SLC24A3: variants seen among roughly 807,000 people sequenced by gnomAD.
The protein encoded by SLC24A3 is solute carrier family 24 member 3, also known as sodium/potassium/calcium exchanger 3.
In SLC24A3, 28 loss-of-function variants were observed where a neutral mutation model predicts 75.8. The observed-to-expected ratio is 0.37, with a 90% CI of 0.27 to 0.51. SLC24A3 has a LOEUF of 0.51. Among genes scored for constraint, SLC24A3 ranks in the 20% least tolerant of loss-of-function variants. SLC24A3 has a pLI of 0.94. For missense variants in SLC24A3, 663 were observed against 847.8 expected (o/e 0.78, Z 2.71); for synonymous variants, 372 against 334.1 (o/e 1.11, Z -1.24).
chr20:19,288,349 G>A (rs1001639902), intron 2 of SLC24A3, among the ~76,000 whole-genome samples: 1 of 152,162 alleles, frequency 6.6e-6, no homozygotes, highest in Admixed American at 6.5e-5. Context: ...AGCAGAAAGG[G>A]CCAGACACTA....
intron 2 of SLC24A3, among the ~76,000 whole-genome samples, chr20:19,471,720 T>C (rs905957959): frequency 2.6e-5 from 4 of 151,954 alleles, no homozygotes; most frequent in African/African-American, 7.3e-5. Flanking sequence ...AAGTGTGTAG[T>C]AGATAGAGGT....
rs533719014 is a variant in SLC24A3 at position 19,528,797 on chromosome 20, G to C, written c.348+13233G>C. On this transcript the variant is annotated intron_variant, in intron 3 of 16. Transcript: ENST00000328041. ...TGTGGACCACAGGAATTAGGCAGAG[G>C]GGGTATTTTTGGCAGTTAGCTTAAT... Among the ~76,000 whole-genome samples the C allele has an allele frequency of 2.4e-4, 36 of 152,288 alleles. No individual in the cohort carries two copies. The South Asian group carries it at 5.6e-3, about 24-fold the overall frequency.
Position 19,272,120 on chromosome 20 carries a change from C to T in SLC24A3, c.143-8839C>T, listed in dbSNP as rs538922802. Among the ~76,000 whole-genome samples the T allele has an allele frequency of 4.6e-5, 7 of 152,370 alleles. No individual in the cohort carries two copies. The South Asian group carries it at 1.4e-3, about 32-fold the overall frequency. On this transcript the variant is annotated intron_variant, in intron 1 of 16. Transcript: ENST00000328041. The stretch of plus-strand genomic sequence containing the variant: ...CATCAGAACTTCTGCTTTCTCTGTG[C>T]TGCCCGCCCAGCCACTGGGGGTGGA...
At chr20:19,509,349 G>A (rs1299261843) in intron 2 of SLC24A3, among the ~76,000 whole-genome samples, 3 of 152,174 alleles carry the variant, frequency 2.0e-5, no homozygotes, top group Non-Finnish European at 4.4e-5. Flanking sequence ...TGGATTTGGC[G>A]CTAGGATGCA....
At chr20:19,419,077 T>G (rs2122432774) in intron 2 of SLC24A3, among the ~76,000 whole-genome samples, 1 of 152,380 alleles carries the variant, frequency 6.6e-6, no homozygotes, top group East Asian at 1.9e-4. Flanking sequence ...TTGTCTTTCA[T>G]GTAAAACTGT....
chr20:19,707,108 C>T (rs2032939610), intron 15 of SLC24A3, among the ~76,000 whole-genome samples: 1 of 152,108 alleles, frequency 6.6e-6, no homozygotes, highest in African/African-American at 2.4e-5. Flanking sequence ...AAAGCAAGAG[C>T]ACAAGAAGAC....
At chr20:19,495,439 C>T (rs1009982391) in intron 2 of SLC24A3, among the ~76,000 whole-genome samples, 1 of 152,200 alleles carries the variant, frequency 6.6e-6, no homozygotes, top group Non-Finnish European at 1.5e-5. Context: ...GGGGTGGATA[C>T]ATAAGTGAAT....
chr20:19,346,190 A>ATATATATGG (rs1985409856), intron 2 of SLC24A3, among the ~76,000 whole-genome samples: 1 of 116,388 alleles, frequency 8.6e-6, no homozygotes, highest in African/African-American at 3.4e-5. Flanking sequence ...TATGGTGTAT[A>ATATATATGG]TATATATATG....
intron 9 of SLC24A3, among the ~76,000 whole-genome samples, chr20:19,675,844 C>A (rs1244228453): frequency 6.6e-6 from 1 of 152,104 alleles, no homozygotes; most frequent in African/African-American, 2.4e-5. Flanking sequence ...TCTCAAAGAG[C>A]AAAACTATAT....
Position 19,413,458 on chromosome 20 carries a change from G to T in SLC24A3, c.272-102030G>T, listed in dbSNP as rs75666083. Among the ~76,000 whole-genome samples, 1,346 of 152,282 alleles carry T rather than the reference G, an allele frequency of 8.8e-3. 7 individuals are homozygous for T. The highest frequency in any genetic ancestry group is 0.024 in the Middle Eastern group (7 of 294). ...ATTTTCTAACTTCTCTTCAAGCAAG[G>T]ATTACTGTTTCAGGTGGGCCCTTTG... On this transcript the variant is annotated intron_variant, in intron 2 of 16. Transcript: ENST00000328041.
intron 13 of SLC24A3, among the ~76,000 whole-genome samples, chr20:19,696,015 C>T (rs148944273): frequency 3.0e-3 from 319 of 108,006 alleles, no homozygotes; most frequent in Middle Eastern, 7.6e-3. Flanking sequence ...TTTTCCTTTT[C>T]TTTTTTTTTT....
At chr20:19,456,048 G>C (rs1292122519) in intron 2 of SLC24A3, among the ~76,000 whole-genome samples, 1 of 152,194 alleles carries the variant, frequency 6.6e-6, no homozygotes, top group Non-Finnish European at 1.5e-5. Flanking sequence ...CCTCTGTGCT[G>C]CCAGGCAGTG....
chr20:19,379,317 C>T (rs968221330), intron 2 of SLC24A3, among the ~76,000 whole-genome samples: 2 of 152,138 alleles, frequency 1.3e-5, no homozygotes, highest in Non-Finnish European at 2.9e-5. Flanking sequence ...GATCTTCACT[C>T]TGGAGTGGGG....
At chr20:19,569,393 T>C (rs2031013403) in intron 3 of SLC24A3, among the ~76,000 whole-genome samples, 1 of 152,176 alleles carries the variant, frequency 6.6e-6, no homozygotes, top group Admixed American at 6.5e-5. Flanking sequence ...CTTAAGGACT[T>C]GTTCATGTCC....
At chr20:19,395,770 A>G (rs1026063873) in intron 2 of SLC24A3, among the ~76,000 whole-genome samples, 1 of 152,202 alleles carries the variant, frequency 6.6e-6, no homozygotes, top group African/African-American at 2.4e-5. Context: ...TCCAGGAAGG[A>G]GAATAGCATG....
chr20:19,494,049 A>T (rs1988244948), intron 2 of SLC24A3, among the ~76,000 whole-genome samples: 1 of 152,114 alleles, frequency 6.6e-6, no homozygotes, highest in Admixed American at 6.5e-5. Flanking sequence ...GGGTGCATAG[A>T]TCTGCATGGA....
intron 15 of SLC24A3, among the ~76,000 whole-genome samples, chr20:19,713,554 G>A (rs764496159): frequency 9.2e-5 from 14 of 152,040 alleles, no homozygotes; most frequent in Admixed American, 4.6e-4. Context: ...CATCAGTTAC[G>A]TTTTAAGCAC....
At chr20:19,229,479 C>G (rs1223272035) in intron 1 of SLC24A3, among the ~76,000 whole-genome samples, 1 of 152,098 alleles carries the variant, frequency 6.6e-6, no homozygotes, top group Non-Finnish European at 1.5e-5. Context: ...GCTTTAGACT[C>G]AAACTATAAG....
At chr20:19,588,288 T>C (rs1356220466) in intron 6 of SLC24A3, among the ~76,000 whole-genome samples, 1 of 152,208 alleles carries the variant, frequency 6.6e-6, no homozygotes, top group African/African-American at 2.4e-5. Flanking sequence ...TGGATTTCAC[T>C]TAGCATTTTA....
Sources: allele counts gnomAD v4.1 joint callset (sites outside exome capture counted in the v4.1 genomes callset), GRCh38; gene constraint gnomAD v4.1.1; transcripts MANE v1.5; gene names NCBI Gene and HGNC (gene_info 2026-07-23, HGNC 2026-07-21).